Variants in HMGB1 observed in about 807,000 individuals in gnomAD.
The protein encoded by HMGB1 is high mobility group protein B1.
For synonymous variants in HMGB1, 81 were observed against 84.0 expected, an observed-to-expected ratio of 0.96 and a Z score of 0.19; for missense variants, 79 against 253.5, an observed-to-expected ratio of 0.31 and a Z score of 4.67.
At chr13:30,565,862 A>G (rs555177399) in intron 1 of HMGB1, among the ~76,000 whole-genome samples, 1 of 152,346 alleles carries the variant, frequency 6.6e-6, no homozygotes, top group South Asian at 2.1e-4. Flanking sequence ...TACTATCTGT[A>G]ACAAGCAGGT....
intron 1 of HMGB1, among the ~76,000 whole-genome samples, chr13:30,507,761 A>C (rs35134064): frequency 0.16 from 24,037 of 152,164 alleles, 2,150 homozygotes; most frequent in East Asian, 0.33. Context: ...TGGGAGGCTG[A>C]AGTGGGAAGA....
chr13:30,484,589 G>A (rs1396402732), intron 1 of HMGB1, among the ~76,000 whole-genome samples: 2 of 152,186 alleles, frequency 1.3e-5, no homozygotes, highest in Non-Finnish European at 2.9e-5. Context: ...GAAAAAATGG[G>A]CCAGGCGCAG....
At chr13:30,553,489 G>A (rs1363777207) in intron 1 of HMGB1, among the ~76,000 whole-genome samples, 3 of 152,134 alleles carry the variant, frequency 2.0e-5, no homozygotes, top group African/African-American at 7.2e-5. Context: ...TACTTTATAG[G>A]AGTATGGTAA....
chr13:30,540,254 G>A (rs866293664), intron 1 of HMGB1: 3 of 183,710 alleles, frequency 1.6e-5, no homozygotes, highest in Non-Finnish European at 3.6e-5. Context: ...CTGTAGGGAC[G>A]CTCCTCTTTT....
chr13:30,594,535 C>T (rs950034241), intron 1 of HMGB1, among the ~76,000 whole-genome samples: 1 of 152,200 alleles, frequency 6.6e-6, no homozygotes, highest in Admixed American at 6.5e-5. Context: ...CAGTTACATT[C>T]ATGTCACTGC....
At chr13:30,504,879 A>G (rs145631404) in intron 1 of HMGB1, among the ~76,000 whole-genome samples, 820 of 34,946 alleles carry the variant, frequency 0.023, 11 homozygotes, top group African/African-American at 0.027. Context: ...TTCCCCCTAC[A>G]CTGGTAAATA....
At chr13:30,491,536 G>A (rs1368218002) in intron 1 of HMGB1, among the ~76,000 whole-genome samples, 6 of 151,720 alleles carry the variant, frequency 4.0e-5, no homozygotes, top group Non-Finnish European at 5.9e-5. Context: ...GGTGGTGCAC[G>A]CCTGTAATTC....
intron 1 of HMGB1, among the ~76,000 whole-genome samples, chr13:30,538,468 TTCTTTCTTTCTTTCTTTC>T (rs1363365647): frequency 2.3e-5 from 1 of 43,946 alleles, no homozygotes; most frequent in African/African-American, 8.8e-5. Context: ...CTTTCTTTCT[TTCTTTCTTTCTTTCTTTC>T]TTTCTTTCTT....
At chr13:30,493,163 C>G (rs1328051530) in intron 1 of HMGB1, among the ~76,000 whole-genome samples, 4 of 151,908 alleles carry the variant, frequency 2.6e-5, no homozygotes, top group Non-Finnish European at 4.4e-5. Context: ...AGAAGCAAAC[C>G]AAATGTTGAA....
At chr13:30,520,450 T>A (rs2137473923) in intron 1 of HMGB1, among the ~76,000 whole-genome samples, 1 of 151,988 alleles carries the variant, frequency 6.6e-6, no homozygotes, top group South Asian at 2.1e-4. Context: ...TGAAACCCTG[T>A]TTCCACTAAA....
At chr13:30,525,856 T>G (rs33962242) in intron 1 of HMGB1, among the ~76,000 whole-genome samples, 112,678 of 149,784 alleles carry the variant, frequency 0.75, 43,725 homozygotes, top group Non-Finnish European at 0.84. Flanking sequence ...GATGAGATTG[T>G]GGGGGGACAC....
At chr13:30,490,444 A>AC (rs1414823501) in intron 1 of HMGB1, among the ~76,000 whole-genome samples, 2 of 151,992 alleles carry the variant, frequency 1.3e-5, no homozygotes, top group Non-Finnish European at 1.5e-5. Flanking sequence ...ACACGGCAAA[A>AC]CCCTGTCTCT....
At chr13:30,464,220 G>A in intron 1 of HMGB1, 2 of 985,458 alleles carry the variant, frequency 2.0e-6, no homozygotes, top group Non-Finnish European at 2.4e-6. Context: ...CAAAGAGGGA[G>A]CAGCAGCCAG....
At chr13:30,464,349 T>G in intron 1 of HMGB1, 1 of 985,346 alleles carries the variant, frequency 1.0e-6, no homozygotes, top group Non-Finnish European at 1.2e-6. Flanking sequence ...GTCTGAAGTT[T>G]CTCCGAGTAA....
At chr13:30,492,347 A>C (rs1472492886) in intron 1 of HMGB1, among the ~76,000 whole-genome samples, 2 of 152,154 alleles carry the variant, frequency 1.3e-5, no homozygotes, top group African/African-American at 4.8e-5. Flanking sequence ...CATACATTAA[A>C]AAAAAATGAA....
Position 30,462,523 on chromosome 13 carries a change from A to T in HMGB1, c.471+15T>A. ...TACTTGTCATCATTTTACCAAGCAA[A>T]CCCACACTTCTTACCTTTTCATATT... On this transcript the variant is annotated intron_variant, in intron 4 of 4. Coordinates refer to ENST00000341423, the MANE Select transcript of HMGB1 (RefSeq NM_002128.7). 6.2e-7 allele frequency: 1 copy of T among 1,605,602 alleles called. No homozygotes were observed. The highest frequency in any genetic ancestry group is 8.5e-7 in the Non-Finnish European group (1 of 1,172,396).
At chr13:30,508,658 G>T (rs572884060) in intron 1 of HMGB1, among the ~76,000 whole-genome samples, 1 of 152,208 alleles carries the variant, frequency 6.6e-6, no homozygotes, top group Admixed American at 6.5e-5. Flanking sequence ...TTTTCCTAAA[G>T]GTACCTGGTT....
intron 1 of HMGB1, among the ~76,000 whole-genome samples, chr13:30,561,309 A>G (rs1391476108): frequency 2.0e-5 from 3 of 152,200 alleles, no homozygotes; most frequent in Non-Finnish European, 4.4e-5. Context: ...TCATGGAGGT[A>G]GCTGAGATCA....
In HMGB1 at chr13:30,589,007, CT is replaced by C. The variant is rs1292576513; in HGVS notation, c.-15+27663del. ...GTAAAGCTGAATGCCTAGTTTACCACTTTTTTTTTTTTTTTGAGACGGAGTC... is the reference window on the plus strand; with the variant it reads ...GTAAAGCTGAATGCCTAGTTTACCACTTTTTTTTTTTTTTGAGACGGAGTC... On this transcript the variant is annotated intron_variant, in intron 1 of 4. Transcript: ENST00000405805. Among the ~76,000 whole-genome samples the C allele has an allele frequency of 5.9e-3, 832 of 141,588 alleles. 6 individuals carry two copies. Among genetic ancestry groups the C allele is most frequent in the African/African-American group, 0.015 (598 of 38,834 alleles). 92.9% of individuals were successfully genotyped at this position (141,588 alleles called of 152,430 possible). A position where few individuals can be genotyped will look rare whatever the true frequency, so the allele number is the denominator to read the frequency against.
Sources: allele counts gnomAD v4.1 joint callset (sites outside exome capture counted in the v4.1 genomes callset), GRCh38; gene constraint gnomAD v4.1.1; transcripts MANE v1.5; gene names NCBI Gene and HGNC (gene_info 2026-07-23, HGNC 2026-07-21).